PHACTR3: variants seen among roughly 807,000 people sequenced by gnomAD.
PHACTR3 encodes the protein phosphatase and actin regulator 3.
In PHACTR3, 16 loss-of-function variants were observed where a neutral mutation model predicts 66.8. That is an observed-to-expected ratio of 0.24 (90% CI 0.16 to 0.36). PHACTR3 has a LOEUF of 0.36. Among genes scored for constraint, PHACTR3 ranks in the 10% least tolerant of loss-of-function variants. PHACTR3 has a pLI of 1.00. For synonymous variants in PHACTR3, 323 were observed against 292.1 expected (o/e 1.11, Z -1.08); for missense variants, 647 against 719.9 (o/e 0.90, Z 1.16).
At chr20:59,823,103 C>T (rs2042095703) in intron 8 of PHACTR3, among the ~76,000 whole-genome samples, 1 of 152,200 alleles carries the variant, frequency 6.6e-6, no homozygotes, top group Non-Finnish European at 1.5e-5. Flanking sequence ...GATCTTAGCC[C>T]TGGGAGCAGG....
intron 3 of PHACTR3, among the ~76,000 whole-genome samples, chr20:59,753,985 G>A (rs1433069305): frequency 1.3e-5 from 2 of 152,180 alleles, no homozygotes; most frequent in Non-Finnish European, 2.9e-5. Flanking sequence ...ATCCCCAAAC[G>A]GCCACCTCGT....
chr20:59,728,201 C>G (rs71321550), intron 1 of PHACTR3, among the ~76,000 whole-genome samples: 1 of 152,132 alleles, frequency 6.6e-6, no homozygotes, highest in Non-Finnish European at 1.5e-5. Context: ...AGCCACCACT[C>G]TGCCTTGTTG....
In PHACTR3 at chr20:59,720,173, T is replaced by C. The variant is rs115235549; in HGVS notation, c.119-22934T>C. Among the ~76,000 whole-genome samples, 418 of 152,214 alleles carry C rather than the reference T, an allele frequency of 2.7e-3. 2 individuals are homozygous for C. The highest frequency in any genetic ancestry group is 9.6e-3 in the African/African-American group (398 of 41,530). ...GTGCTATCTTGAAGACCATAACATC[T>C]CTCGAGCAGGCTAGCATATCTGGTC... On this transcript the variant is annotated intron_variant, in intron 1 of 12. Coordinates refer to ENST00000371015, the MANE Select transcript of PHACTR3 (RefSeq NM_080672.5).
intron 1 of PHACTR3, among the ~76,000 whole-genome samples, chr20:59,622,815 G>A (rs1254028650): frequency 4.6e-5 from 7 of 151,578 alleles, no homozygotes; most frequent in African/African-American, 1.7e-4. Context: ...ATGATTCCTG[G>A]CACCCACCAG....
intron 1 of PHACTR3, among the ~76,000 whole-genome samples, chr20:59,702,811 A>G (rs1324390247): frequency 6.6e-6 from 1 of 152,244 alleles, no homozygotes; most frequent in Non-Finnish European, 1.5e-5. Flanking sequence ...AGAAACCAGG[A>G]AAAGCACATC....
chr20:59,635,552 ATGTTTT>A (rs895166125), intron 1 of PHACTR3, among the ~76,000 whole-genome samples: 7 of 151,970 alleles, frequency 4.6e-5, no homozygotes, highest in Non-Finnish European at 7.4e-5. Flanking sequence ...GCTTTTTATT[ATGTTTT>A]TGCTGATTCA....
chr20:59,696,578 T>C (rs1429476192), intron 1 of PHACTR3, among the ~76,000 whole-genome samples: 1 of 152,146 alleles, frequency 6.6e-6, no homozygotes, highest in Non-Finnish European at 1.5e-5. Flanking sequence ...CTAAGCAGGG[T>C]TTGCACATTC....
intron 1 of PHACTR3, among the ~76,000 whole-genome samples, chr20:59,679,264 A>T (rs1190628441): frequency 6.6e-6 from 1 of 152,156 alleles, no homozygotes. Flanking sequence ...CAATGCTGTG[A>T]TGTTATTTAG....
intron 1 of PHACTR3, among the ~76,000 whole-genome samples, chr20:59,635,101 C>CTCTCTT (rs1555881117): frequency 1.1e-5 from 1 of 92,904 alleles, no homozygotes; most frequent in African/African-American, 4.4e-5. Context: ...TTCTTTCTCT[C>CTCTCTT]TCTTTCTTTC....
chr20:59,643,467 A>G (rs2035175873), intron 1 of PHACTR3, among the ~76,000 whole-genome samples: 1 of 152,170 alleles, frequency 6.6e-6, no homozygotes, highest in Admixed American at 6.5e-5. Flanking sequence ...TCATGTGAGC[A>G]CCCCAACTTT....
intron 7 of PHACTR3, among the ~76,000 whole-genome samples, chr20:59,778,256 C>T (rs1218636011): frequency 1.3e-5 from 2 of 152,148 alleles, no homozygotes; most frequent in East Asian, 3.9e-4. Flanking sequence ...ATAATGTCAC[C>T]TCTTGCTCAA....
At chr20:59,622,408 C>A (rs918188800) in intron 1 of PHACTR3, among the ~76,000 whole-genome samples, 2 of 152,134 alleles carry the variant, frequency 1.3e-5, no homozygotes, top group African/African-American at 4.8e-5. Flanking sequence ...GTATGAGTTC[C>A]AGATGAGGCA....
chr20:59,825,868 T>A (rs1435788312), intron 8 of PHACTR3, among the ~76,000 whole-genome samples: 1 of 151,724 alleles, frequency 6.6e-6, no homozygotes, highest in Non-Finnish European at 1.5e-5. Flanking sequence ...CTTTGGGAGG[T>A]GATTAGGTCA....
At chr20:59,783,692 A>G (rs1457957949) in intron 7 of PHACTR3, among the ~76,000 whole-genome samples, 1 of 152,214 alleles carries the variant, frequency 6.6e-6, no homozygotes, top group East Asian at 1.9e-4. Flanking sequence ...ATGCGTAAGC[A>G]CATCATAGGT....
At chr20:59,671,944 A>AG (rs1437007416) in intron 1 of PHACTR3, among the ~76,000 whole-genome samples, 1 of 152,256 alleles carries the variant, frequency 6.6e-6, no homozygotes, top group Non-Finnish European at 1.5e-5. Flanking sequence ...GAGCAACCGT[A>AG]GGCATGAGGA....
chr20:59,625,568 T>G (rs2034417550), intron 1 of PHACTR3, among the ~76,000 whole-genome samples: 1 of 152,164 alleles, frequency 6.6e-6, no homozygotes, highest in Non-Finnish European at 1.5e-5. Flanking sequence ...AGGAGGAACA[T>G]GCTGATGTCT....
rs953327948 is a variant in PHACTR3 at position 59,718,868 on chromosome 20, T to C, written c.119-24239T>C. Among the ~76,000 whole-genome samples, 21 of 152,374 alleles carry C rather than the reference T, an allele frequency of 1.4e-4. No individual in the cohort carries two copies. In the East Asian group the frequency reaches 2.5e-3, roughly 18 times the overall value. The stretch of plus-strand genomic sequence containing the variant: ...ATCCTGTGTTGCAAGCAGCTGTGAA[T>C]GGTTGCGTCGTTTTGCTTGGCCTAC... On this transcript the variant is annotated intron_variant, in intron 1 of 12. Coordinates refer to ENST00000371015, the MANE Select transcript of PHACTR3 (RefSeq NM_080672.5).
At chr20:59,714,674 A>C (rs1299152638) in intron 1 of PHACTR3, among the ~76,000 whole-genome samples, 2 of 152,186 alleles carry the variant, frequency 1.3e-5, no homozygotes, top group Non-Finnish European at 2.9e-5. Context: ...GGTTCTAGAC[A>C]TTTCTATATA....
intron 7 of PHACTR3, among the ~76,000 whole-genome samples, chr20:59,783,424 C>G (rs2040797758): frequency 1.3e-5 from 2 of 150,718 alleles, no homozygotes; most frequent in African/African-American, 2.5e-5. Flanking sequence ...AGGGCTGCCC[C>G]CCGCCCCGCC....
Sources: gnomAD v4.1 joint callset for allele counts (sites outside exome capture counted in the v4.1 genomes callset) on GRCh38, gnomAD v4.1.1 for gene constraint, MANE v1.5 for transcripts, NCBI Gene and HGNC (gene_info 2026-07-23, HGNC 2026-07-21) for gene names.